Variants in ITGA8 observed in about 807,000 individuals in gnomAD.
ITGA8 encodes integrin subunit alpha 8.
Under a neutral mutation model 142.3 loss-of-function variants are expected in ITGA8, and 91 were observed. That is an observed-to-expected ratio of 0.64 (90% CI 0.54 to 0.76). The LOEUF (loss-of-function observed/expected upper bound fraction) is 0.76, where lower values mean the gene tolerates loss of function less well. Among genes scored for constraint, ITGA8 ranks in the 30% least tolerant of loss-of-function variants. The pLI, the probability that ITGA8 is intolerant of heterozygous loss-of-function variation, is 0.00. For synonymous variants in ITGA8, 505 were observed against 485.2 expected, an observed-to-expected ratio of 1.04 and a Z score of -0.54; for missense variants, 1,406 against 1,327.7, an observed-to-expected ratio of 1.06 and a Z score of -0.92.
At chr10:15,576,041 T>C (rs1834289449) in intron 23 of ITGA8, among the ~76,000 whole-genome samples, 1 of 151,760 alleles carries the variant, frequency 6.6e-6, no homozygotes, top group Non-Finnish European at 1.5e-5. Flanking sequence ...TTTTTGCAGA[T>C]AAAAAAAAGT....
At position 15,572,250 on chromosome 10, in the gene ITGA8, C is replaced by A; in HGVS notation, c.2598G>T (p.Gln866His). ...IFHIQTLGPL[Q>H]CQPNPNINPQ... The stretch of plus-strand genomic sequence containing the variant: ...GATTGATATTAGGATTTGGTTGGCA[C>A]TGCAGAGGTCCCAGAGTTTGAATAT... The change falls in exon 25 of 30, where the codon CAG (glutamine) becomes CAT (histidine). Residue 866 changes from glutamine (Q) to histidine (H), a missense_variant. Transcript: ENST00000378076. The A allele has an allele frequency of 6.2e-7, 1 of 1,614,000 alleles. No homozygotes were observed. Among genetic ancestry groups the A allele is most frequent in the Non-Finnish European group, 8.5e-7 (1 of 1,179,938 alleles).
intron 22 of ITGA8, among the ~76,000 whole-genome samples, chr10:15,590,101 G>A (rs1588661908): frequency 6.6e-6 from 1 of 152,234 alleles, no homozygotes; most frequent in Admixed American, 6.5e-5. Context: ...TATAATACAT[G>A]TTTTGGGAAT....
chr10:15,718,992 G>A (rs1407359367), intron 1 of ITGA8, 93 bp from the exon 2 acceptor site: 8 of 1,576,066 alleles, frequency 5.1e-6, no homozygotes, highest in African/African-American at 2.7e-5. Context: ...GGGACACTGG[G>A]GCAGGCGTGG....
rs554382116 is a variant in ITGA8 at position 15,645,006 on chromosome 10, T to C, written c.1208-785A>G. Among the ~76,000 whole-genome samples the C allele has an allele frequency of 6.1e-5, 9 of 146,902 alleles. No individual in the cohort carries two copies. The East Asian group carries it at 8.2e-4, about 13-fold the overall frequency. ...TACTCGGGAGGCTGAGGCAGAGAATTGCTTGAACCTGGGAGGTGGAGGTTG... is the reference window on the plus strand; with the variant it reads ...TACTCGGGAGGCTGAGGCAGAGAATCGCTTGAACCTGGGAGGTGGAGGTTG... On this transcript the variant is annotated intron_variant, in intron 12 of 29. Coordinates refer to ENST00000378076, the MANE Select transcript of ITGA8 (RefSeq NM_003638.3).
At chr10:15,638,539 T>C (rs1833812528) in intron 13 of ITGA8, among the ~76,000 whole-genome samples, 1 of 152,188 alleles carries the variant, frequency 6.6e-6, no homozygotes, top group Non-Finnish European at 1.5e-5. Context: ...TTTTGTCACC[T>C]GAAATGAGGA....
chr10:15,562,869 T>C (rs1169680715), intron 25 of ITGA8, among the ~76,000 whole-genome samples: 1 of 152,148 alleles, frequency 6.6e-6, no homozygotes, highest in Non-Finnish European at 1.5e-5. Context: ...GTTTGGATAT[T>C]TGTCCTCCCA....
chr10:15,704,468 C>T (rs982566825), intron 2 of ITGA8, among the ~76,000 whole-genome samples: 2 of 152,194 alleles, frequency 1.3e-5, no homozygotes, highest in African/African-American at 4.8e-5. Flanking sequence ...AACCCTTCCC[C>T]TGTCAGTATC....
chr10:15,517,169 G>A lies in ITGA8; in HGVS notation c.3181C>T (p.Pro1061Ser), dbSNP rs765237923. Reference protein sequence around the residue: ...DREQLTNDKTPEA With the variant: ...DREQLTNDKTSEA ...CTTTTTTTTTCTTGTCATGCCTCAGGGGTCTTGTCATTTGTCAGCTGTTCC... is the reference window on the plus strand; with the variant it reads ...CTTTTTTTTTCTTGTCATGCCTCAGAGGTCTTGTCATTTGTCAGCTGTTCC... The change falls in exon 30 of 30, where the codon CCT becomes TCT. Residue 1061 changes from proline to serine, a missense_variant. Transcript: ENST00000378076. The A allele has an allele frequency of 6.2e-7, 1 of 1,612,370 alleles. No homozygotes were observed. Among genetic ancestry groups the A allele is most frequent in the East Asian group, 2.2e-5 (1 of 44,834 alleles).
intron 23 of ITGA8, 22 bp downstream of exon 23, chr10:15,586,562 C>G: frequency 7.2e-7 from 1 of 1,396,390 alleles, no homozygotes; most frequent in Non-Finnish European, 1.0e-6. Context: ...GGATATTGTA[C>G]TATGCATTGC....
At chr10:15,536,145 C>G (rs1273525316) in intron 27 of ITGA8, among the ~76,000 whole-genome samples, 3 of 152,176 alleles carry the variant, frequency 2.0e-5, no homozygotes, top group Non-Finnish European at 4.4e-5. Flanking sequence ...TCTGCGGCTT[C>G]GTTCTTGAAG....
At chr10:15,628,457 C>T (rs951426036) in intron 13 of ITGA8, among the ~76,000 whole-genome samples, 13 of 149,552 alleles carry the variant, frequency 8.7e-5, no homozygotes, top group African/African-American at 7.4e-5. Flanking sequence ...CTCAGCCTCC[C>T]GAGTAGCTGG....
rs1480448927 is a variant in ITGA8 at position 15,572,364 on chromosome 10, G to A, written c.2484C>T (p.His828=). ...GPLVEHIYEL[H]NIGPSTISDT... is the part of the protein sequence containing the mutation. ...CACTGATGGTACTTGGTCCAATATT[G>A]TGCAGCTGTAAACAAGTGACATGTT... The change falls in exon 25 of 30, where the codon CAC becomes CAT. Residue 828 remains histidine (H), a synonymous_variant. Coordinates refer to ENST00000378076, the MANE Select transcript of ITGA8 (RefSeq NM_003638.3). 1.9e-6 allele frequency: 3 copies of A among 1,613,548 alleles called. No homozygotes were observed. The highest frequency in any genetic ancestry group is 2.7e-5 in the African/African-American group (2 of 74,872).
chr10:15,611,331 A>G (rs1014174765), intron 15 of ITGA8, among the ~76,000 whole-genome samples: 1 of 152,214 alleles, frequency 6.6e-6, no homozygotes, highest in Non-Finnish European at 1.5e-5. Context: ...AATGTATGCA[A>G]TAGAAACAAA....
chr10:15,707,261 C>T (rs966224664), intron 2 of ITGA8, among the ~76,000 whole-genome samples: 1 of 152,160 alleles, frequency 6.6e-6, no homozygotes, highest in Non-Finnish European at 1.5e-5. Context: ...TTGGATCATA[C>T]ATTTGGACCT....
intron 22 of ITGA8, among the ~76,000 whole-genome samples, chr10:15,586,928 T>G (rs1043602552): frequency 6.9e-6 from 1 of 145,752 alleles, no homozygotes; most frequent in African/African-American, 2.5e-5. Flanking sequence ...AACTAACACT[T>G]TTTTTTTTTT....
At chr10:15,671,879 C>CAA (rs34588118) in intron 7 of ITGA8, among the ~76,000 whole-genome samples, 817 of 79,662 alleles carry the variant, frequency 0.01, 10 homozygotes, top group African/African-American at 0.034. Flanking sequence ...AGGAGCAAAG[C>CAA]AAAAAAAAAA....
chr10:15,574,140 C>G (rs1408433826), intron 24 of ITGA8, among the ~76,000 whole-genome samples: 1 of 151,930 alleles, frequency 6.6e-6, no homozygotes, highest in Non-Finnish European at 1.5e-5. Context: ...TGGCTTCTAA[C>G]TGAAAAAAGC....
intron 13 of ITGA8, among the ~76,000 whole-genome samples, chr10:15,620,768 C>T (rs902781112): frequency 5.3e-5 from 8 of 152,168 alleles, no homozygotes; most frequent in African/African-American, 1.7e-4. Flanking sequence ...GAAAGTACTA[C>T]GCTGCTTCCA....
At chr10:15,642,565 T>C (rs1833890494) in intron 13 of ITGA8, among the ~76,000 whole-genome samples, 1 of 152,208 alleles carries the variant, frequency 6.6e-6, no homozygotes, top group African/African-American at 2.4e-5. Flanking sequence ...AATTTGGATA[T>C]ATTATGTATA....
Sources: allele counts gnomAD v4.1 joint callset (sites outside exome capture counted in the v4.1 genomes callset), GRCh38; gene constraint gnomAD v4.1.1; transcripts MANE v1.5; gene names NCBI Gene and HGNC (gene_info 2026-07-23, HGNC 2026-07-21).